MTA3: variants seen among roughly 807,000 people sequenced by gnomAD.
MTA3 encodes metastasis associated 1 family member 3, also known as metastasis-associated protein MTA3.
Under a neutral mutation model 83.5 loss-of-function variants are expected in MTA3, and 34 were observed. That is an observed-to-expected ratio of 0.41 (90% CI 0.31 to 0.54). The LOEUF (loss-of-function observed/expected upper bound fraction) is 0.54. MTA3 is among the 20% of genes least tolerant of loss of function. The pLI, the probability that MTA3 is intolerant of heterozygous loss-of-function variation, is 0.33. For missense variants in MTA3, 761 were observed against 726.4 expected, an observed-to-expected ratio of 1.05 and a Z score of -0.55; for synonymous variants, 303 against 252.7, an observed-to-expected ratio of 1.20 and a Z score of -1.89.
chr2:42,579,171 C>T lies in MTA3; in HGVS notation c.161C>T (p.Thr54Ile), dbSNP rs1388227289. 1.2e-6 allele frequency: 2 copies of T among 1,604,840 alleles called. No individual in the cohort carries two copies. Among genetic ancestry groups the T allele is most frequent in the East Asian group, 2.2e-5 (1 of 44,582 alleles). Residue 54 changes from threonine (T) to isoleucine (I), a missense_variant, in exon 3 of 17, where the codon ACA (threonine) becomes ATA (isoleucine). Coordinates refer to ENST00000405094, the MANE Select transcript of MTA3 (RefSeq NM_001330442.2). The part of the protein sequence containing the change: ...CFYRRRDISN[T>I]LIMLADKHAK... ...TATAGACGACGTGATATTTCCAACA[C>T]ACTTATAATGCTCGCAGATAAGCAT...
intron 3 of MTA3, among the ~76,000 whole-genome samples, chr2:42,603,934 A>T (rs1682907739): frequency 1.3e-5 from 2 of 152,102 alleles, no homozygotes; most frequent in Admixed American, 6.5e-5. Flanking sequence ...TATTTTTAGT[A>T]GATACGGAGC....
At chr2:42,630,393 A>G (rs1412159339) in intron 4 of MTA3, among the ~76,000 whole-genome samples, 1 of 152,214 alleles carries the variant, frequency 6.6e-6, no homozygotes, top group Non-Finnish European at 1.5e-5. Flanking sequence ...TATACAATAA[A>G]ATGTCTGTCT....
intron 2 of MTA3, among the ~76,000 whole-genome samples, chr2:42,535,679 C>A (rs1426835824): frequency 6.6e-6 from 1 of 152,090 alleles, no homozygotes; most frequent in Non-Finnish European, 1.5e-5. Flanking sequence ...TAAATAAAAT[C>A]AGGGTTATGT....
At chr2:42,506,794 G>A (rs1340441188) in intron 2 of MTA3, among the ~76,000 whole-genome samples, 1 of 151,986 alleles carries the variant, frequency 6.6e-6, no homozygotes, top group Non-Finnish European at 1.5e-5. Context: ...ATTTAGTAGA[G>A]ACGGGTTTCA....
intron 2 of MTA3, among the ~76,000 whole-genome samples, chr2:42,529,620 C>G (rs1306605473): frequency 6.6e-6 from 1 of 152,226 alleles, no homozygotes; most frequent in Non-Finnish European, 1.5e-5. Flanking sequence ...TTTCTGTTTC[C>G]TTTGCAAGGC....
At chr2:42,750,762 G>C (rs1558643420) in intron 16 of MTA3, among the ~76,000 whole-genome samples, 1 of 152,200 alleles carries the variant, frequency 6.6e-6, no homozygotes, top group South Asian at 2.1e-4. Context: ...TGTGCATGGT[G>C]CCTCGTGTCC....
chr2:42,675,401 A>G (rs1047316389), intron 8 of MTA3, among the ~76,000 whole-genome samples: 4 of 152,132 alleles, frequency 2.6e-5, no homozygotes, highest in African/African-American at 9.7e-5. Context: ...CCTAAAGTGC[A>G]GGGATTAACA....
intron 2 of MTA3, among the ~76,000 whole-genome samples, chr2:42,547,698 T>A (rs1336507729): frequency 6.6e-6 from 1 of 152,240 alleles, no homozygotes; most frequent in Non-Finnish European, 1.5e-5. Flanking sequence ...ACTTAGCTAT[T>A]GTTACAGGCG....
intron 3 of MTA3, among the ~76,000 whole-genome samples, chr2:42,607,456 A>G (rs557713828): frequency 8.5e-5 from 13 of 152,168 alleles, no homozygotes; most frequent in Non-Finnish European, 7.4e-5. Flanking sequence ...CTCAGCTCAC[A>G]GCACCTTCCA....
chr2:42,631,072 T>C (rs1181423570), intron 4 of MTA3, among the ~76,000 whole-genome samples: 1 of 152,236 alleles, frequency 6.6e-6, no homozygotes, highest in Non-Finnish European at 1.5e-5. Flanking sequence ...TTCTTCCTGC[T>C]CATTTAATTA....
intron 8 of MTA3, among the ~76,000 whole-genome samples, chr2:42,676,550 G>T (rs2104422080): frequency 6.6e-6 from 1 of 152,264 alleles, no homozygotes; most frequent in African/African-American, 2.4e-5. Flanking sequence ...CAGATCGCTT[G>T]AGCCCAGGAG....
chr2:42,540,330 C>T (rs1361771387), intron 2 of MTA3, among the ~76,000 whole-genome samples: 1 of 151,564 alleles, frequency 6.6e-6, no homozygotes. Flanking sequence ...CATGCCACCA[C>T]ACCCAGCTAA....
At chr2:42,605,658 C>CG (rs1683210839) in intron 3 of MTA3, among the ~76,000 whole-genome samples, 1 of 103,136 alleles carries the variant, frequency 9.7e-6, no homozygotes, top group African/African-American at 3.7e-5. Flanking sequence ...GCTGGCCGGG[C>CG]GGGGGGCTGA....
intron 3 of MTA3, chr2:42,581,900 G>T (rs778815834): frequency 3.4e-4 from 58 of 171,354 alleles, no homozygotes; most frequent in Middle Eastern, 2.6e-3. Flanking sequence ...TGAGTAGCTG[G>T]GATTACAGGC....
chr2:42,669,042 G>C (rs963005855), intron 8 of MTA3, among the ~76,000 whole-genome samples: 1 of 151,352 alleles, frequency 6.6e-6, no homozygotes. Context: ...TGTGGGTACT[G>C]GGAATTGAGG....
chr2:42,508,317 A>G (rs1313665298), intron 2 of MTA3, among the ~76,000 whole-genome samples: 3 of 152,074 alleles, frequency 2.0e-5, no homozygotes, highest in African/African-American at 4.8e-5. Context: ...TGAACCCTAT[A>G]TATGAACTAT....
intron 2 of MTA3, among the ~76,000 whole-genome samples, chr2:42,497,368 T>C (rs1674183484): frequency 6.6e-6 from 1 of 151,798 alleles, no homozygotes; most frequent in African/African-American, 2.4e-5. Context: ...AGGTGGATCA[T>C]GAGGTCAGGA....
intron 3 of MTA3, among the ~76,000 whole-genome samples, chr2:42,606,774 C>T (rs1022113707): frequency 6.6e-6 from 1 of 151,470 alleles, no homozygotes; most frequent in African/African-American, 2.4e-5. Context: ...CGCCACTGCA[C>T]CCCAGCCTGG....
chr2:42,598,105 C>T (rs1232449207), intron 3 of MTA3, among the ~76,000 whole-genome samples: 2 of 151,940 alleles, frequency 1.3e-5, no homozygotes, highest in South Asian at 4.2e-4. Context: ...CAGAATCTTG[C>T]TCTGTTGCCC....
Sources: gnomAD v4.1 joint callset for allele counts (sites outside exome capture counted in the v4.1 genomes callset) on GRCh38, gnomAD v4.1.1 for gene constraint, MANE v1.5 for transcripts, NCBI Gene and HGNC (gene_info 2026-07-23, HGNC 2026-07-21) for gene names.